The following INTS7 variants were observed in gnomAD, a reference collection of about 807,000 sequenced individuals.
INTS7 encodes integrator complex subunit 7.
INTS7 carries 46 observed loss-of-function variants against 109.2 expected under a neutral mutation model. The observed-to-expected ratio is 0.42, with a 90% CI of 0.33 to 0.54. INTS7 has a LOEUF of 0.54. INTS7 is among the 20% of genes least tolerant of loss of function. The pLI is 0.07. For synonymous variants in INTS7, 412 were observed against 402.9 expected (o/e 1.02, Z -0.27); for missense variants, 929 against 1,132.4 (o/e 0.82, Z 2.58).
Position 211,946,851 on chromosome 1 carries a change from C to G in INTS7, c.2317-146G>C, listed in dbSNP as rs1662869927. ...AAGAACTAGGCATCACATCCAGGAA[C>G]TGTGCATACATACTAAATCATTCAT... On this transcript the variant is annotated intron_variant, in intron 17 of 19. Transcript: ENST00000366994. The surrounding 1 kb of genome is among the most constrained non-coding windows in gnomAD (Gnocchi z 4.3). 3.6e-6 allele frequency: 2 copies of G among 554,608 alleles called. No individual in the cohort carries two copies. Among genetic ancestry groups the G allele is most frequent in the Non-Finnish European group, 6.4e-6 (2 of 312,472 alleles). 34.4% of individuals were successfully genotyped at this position (554,608 alleles called of 1,614,324 possible). A position where few individuals can be genotyped will look rare whatever the true frequency, so the allele number is the denominator to read the frequency against.
At chr1:211,987,771 A>T in intron 8 of INTS7, 115 bp downstream of exon 8, 1 of 535,032 alleles carries the variant, frequency 1.9e-6, no homozygotes, top group Non-Finnish European at 3.3e-6. Context: ...CATGCAATGG[A>T]GTATGAGATT....
At chr1:211,966,229 A>G (rs2102406791) in intron 16 of INTS7, 3 of 386,436 alleles carry the variant, frequency 7.8e-6, no homozygotes, top group Middle Eastern at 6.9e-4. Context: ...TTATCTTTCC[A>G]TGTTAACTTT....
intron 8 of INTS7, among the ~76,000 whole-genome samples, chr1:211,983,608 C>CA (rs1664758805): frequency 1.3e-5 from 2 of 152,142 alleles, no homozygotes; most frequent in Admixed American, 1.3e-4. Flanking sequence ...AAGAGTCTCC[C>CA]ATTCCTGTCT....
intron 17 of INTS7, among the ~76,000 whole-genome samples, chr1:211,951,206 T>G (rs1663067052): frequency 6.6e-6 from 1 of 152,200 alleles, no homozygotes; most frequent in Non-Finnish European, 1.5e-5. Context: ...GAACTGAATG[T>G]TTGTGTTCCC....
chr1:212,029,804 T>C (rs987868827), intron 1 of INTS7, among the ~76,000 whole-genome samples: 1 of 152,094 alleles, frequency 6.6e-6, no homozygotes, highest in Non-Finnish European at 1.5e-5. Flanking sequence ...TATACATTAA[T>C]AAAAGGTGTG....
chr1:212,032,042 GA>G (rs927154629), intron 1 of INTS7, among the ~76,000 whole-genome samples: 5 of 152,078 alleles, frequency 3.3e-5, no homozygotes, highest in African/African-American at 1.2e-4. Flanking sequence ...AATTTAACAT[GA>G]CCCAAACTGA....
intron 7 of INTS7, among the ~76,000 whole-genome samples, chr1:211,989,356 T>C (rs1665042362): frequency 6.6e-6 from 1 of 151,340 alleles, no homozygotes. Flanking sequence ...ACCAGTCATT[T>C]GGTAAAATAA....
intron 17 of INTS7, among the ~76,000 whole-genome samples, chr1:211,947,509 C>G (rs1320293992): frequency 6.6e-6 from 1 of 152,166 alleles, no homozygotes; most frequent in South Asian, 2.1e-4. Flanking sequence ...AGTCTACTCC[C>G]GTCTCAGTGG....
intron 10 of INTS7, 121 bp from the exon 11 acceptor site, chr1:211,978,632 AT>A: frequency 1.0e-6 from 1 of 998,984 alleles, no homozygotes; most frequent in Non-Finnish European, 1.5e-6. Flanking sequence ...TAGGCATAAC[AT>A]TTTACTTCAT....
intron 7 of INTS7, among the ~76,000 whole-genome samples, chr1:211,997,244 GA>G (rs1306936721): frequency 1.3e-5 from 2 of 151,376 alleles, no homozygotes; most frequent in Non-Finnish European, 2.9e-5. Context: ...AAGAAGAGCT[GA>G]AAAAAAAGAG....
rs1261120388 is a variant in INTS7, at chr1:212,006,747, C to A, written c.771G>T (p.Leu257Phe). The change falls in exon 7 of 20, where the codon TTG becomes TTT. Residue 257 changes from leucine (L) to phenylalanine (F), a missense_variant. Around this residue, in one of 2 missense-constraint regions of INTS7, gnomAD observed 787 missense variants for 901.1 expected, o/e 0.87. Transcript: ENST00000366994. Reference sequence around the variant, plus strand: ...TCCTGGGATCATTCTTCAAATACTGCAACAGAAGCTGAATCTATAAAGGAA... The same window carrying A: ...TCCTGGGATCATTCTTCAAATACTGAAACAGAAGCTGAATCTATAAAGGAA... ...VDTPKQIQLL[L>F]QYLKNDPRKA... The A allele has an allele frequency of 6.2e-7, 1 of 1,602,258 alleles. No individual in the cohort carries two copies. The highest frequency in any genetic ancestry group is 1.1e-5 in the South Asian group (1 of 89,090).
At chr1:212,015,934 T>C (rs1666418755) in intron 4 of INTS7, among the ~76,000 whole-genome samples, 2 of 152,004 alleles carry the variant, frequency 1.3e-5, no homozygotes, top group Admixed American at 6.5e-5. Context: ...TTACGGCTTT[T>C]ATTTTTTTTA....
chr1:211,964,632 A>G (rs56289586), intron 16 of INTS7, among the ~76,000 whole-genome samples: 49,300 of 152,038 alleles, frequency 0.32, 9,214 homozygotes, highest in Middle Eastern at 0.43. Flanking sequence ...ACACAGACCA[A>G]TGGAATAGAA....
rs533014772 is a variant in INTS7, at chr1:211,961,524, G to A, written c.2183+4906C>T. 1.3e-4 allele frequency among the ~76,000 whole-genome samples: 20 copies of A among 151,954 alleles called. 2 individuals are homozygous for A. In the South Asian group the frequency reaches 4.0e-3, roughly 30 times the overall value. ...GGCTCACTGCAACCTCTGCCTCCCG[G>A]GTTCAAGAGATTCTCCTGCCTCAGC... is the stretch of plus-strand genomic sequence containing the variant. On this transcript the variant is annotated intron_variant, in intron 16 of 19. Coordinates refer to ENST00000366994, the MANE Select transcript of INTS7 (RefSeq NM_015434.4).
At chr1:211,963,352 C>T (rs1276750948) in intron 16 of INTS7, among the ~76,000 whole-genome samples, 1 of 151,880 alleles carries the variant, frequency 6.6e-6, no homozygotes, top group African/African-American at 2.4e-5. Flanking sequence ...AATAAACAGC[C>T]TACCAACCAA....
intron 16 of INTS7, among the ~76,000 whole-genome samples, chr1:211,958,221 A>AT (rs558616374): frequency 1.4e-3 from 209 of 151,922 alleles, no homozygotes; most frequent in Non-Finnish European, 2.0e-3. Context: ...AATTTATCAG[A>AT]TTTTTTCTGA....
At chr1:211,969,551 C>CTTTTTTTTTTTTTTT (rs36104773) in intron 13 of INTS7, among the ~76,000 whole-genome samples, 7 of 85,008 alleles carry the variant, frequency 8.2e-5, no homozygotes, top group South Asian at 4.5e-4. Context: ...TTTTTCTTTT[C>CTTTTTTTTTTTTTTT]TTTTTTTTTT....
At chr1:211,963,112 T>C (rs767620166) in intron 16 of INTS7, among the ~76,000 whole-genome samples, 1 of 152,108 alleles carries the variant, frequency 6.6e-6, no homozygotes, top group Non-Finnish European at 1.5e-5. Context: ...ATCTATTTGA[T>C]AGACGGCTGG....
At chr1:211,976,561 A>G in intron 12 of INTS7, 21 bp downstream of exon 12, 1 of 1,600,640 alleles carries the variant, frequency 6.2e-7, no homozygotes, top group Non-Finnish European at 8.5e-7. Flanking sequence ...AACCCAGTTC[A>G]CTCAGAAGGG....
Sources: allele counts gnomAD v4.1 joint callset (sites outside exome capture counted in the v4.1 genomes callset), GRCh38; gene constraint gnomAD v4.1.1; regional missense constraint gnomAD v4.1.1; non-coding constraint Gnocchi (gnomAD v3.1); transcripts MANE v1.5; gene names NCBI Gene and HGNC (gene_info 2026-07-23, HGNC 2026-07-21).